Variants in PELI2 observed in about 807,000 individuals in gnomAD.
PELI2 encodes E3 ubiquitin-protein ligase pellino homolog 2.
PELI2 carries 23 observed loss-of-function variants against 42.3 expected under a neutral mutation model. The observed-to-expected ratio is 0.54, with a 90% CI of 0.39 to 0.77. The LOEUF (loss-of-function observed/expected upper bound fraction) is 0.77, where lower values mean the gene tolerates loss of function less well. Ranked by LOEUF, PELI2 falls within the 30% of genes least tolerant of loss-of-function variation. The pLI is 0.00. For synonymous variants in PELI2, 245 were observed against 212.2 expected, an observed-to-expected ratio of 1.15 and a Z score of -1.34; for missense variants, 463 against 553.2, an observed-to-expected ratio of 0.84 and a Z score of 1.64.
intron 2 of PELI2, among the ~76,000 whole-genome samples, chr14:56,212,811 G>T (rs537005318): frequency 3.4e-4 from 52 of 152,322 alleles, no homozygotes; most frequent in African/African-American, 1.3e-3. Flanking sequence ...CCAGTGGCCA[G>T]TCTGGGTGTG....
At chr14:56,276,698 C>T (rs1889302918) in intron 2 of PELI2, among the ~76,000 whole-genome samples, 1 of 152,138 alleles carries the variant, frequency 6.6e-6, no homozygotes, top group Non-Finnish European at 1.5e-5. Flanking sequence ...CATACCTTCC[C>T]CAAATTCCAA....
intron 2 of PELI2, among the ~76,000 whole-genome samples, chr14:56,192,906 G>T (rs895434528): frequency 1.4e-4 from 21 of 152,304 alleles, no homozygotes; most frequent in African/African-American, 5.1e-4. Flanking sequence ...ACAGAATGGA[G>T]ACCTAAGGGG....
chr14:56,134,375 TTCTTA>T (rs1385866490), intron 1 of PELI2, among the ~76,000 whole-genome samples: 4 of 152,112 alleles, frequency 2.6e-5, no homozygotes, highest in Non-Finnish European at 4.4e-5. Context: ...TTGCTCTGGT[TTCTTA>T]TCTTTTCACT....
intron 1 of PELI2, among the ~76,000 whole-genome samples, chr14:56,177,356 G>A (rs171410): frequency 0.83 from 127,086 of 152,258 alleles, 53,605 homozygotes; most frequent in African/African-American, 0.96. Flanking sequence ...AAGCCACCAG[G>A]CCTGCTGTCT....
intron 2 of PELI2, among the ~76,000 whole-genome samples, chr14:56,182,315 C>T (rs1343715215): frequency 6.6e-6 from 1 of 152,132 alleles, no homozygotes; most frequent in Non-Finnish European, 1.5e-5. Context: ...GAGGGAGTGA[C>T]ATGATGTGAC....
chr14:56,188,565 T>G (rs143087093), intron 2 of PELI2, among the ~76,000 whole-genome samples: 229 of 152,340 alleles, frequency 1.5e-3, no homozygotes, highest in African/African-American at 5.3e-3. Flanking sequence ...ACATTAAAAT[T>G]TAACCCTTCT....
chr14:56,210,341 T>C (rs1886670300), intron 2 of PELI2, among the ~76,000 whole-genome samples: 1 of 152,146 alleles, frequency 6.6e-6, no homozygotes, highest in African/African-American at 2.4e-5. Context: ...TGGTTTTCTT[T>C]GGGATGAGGA....
intron 1 of PELI2, among the ~76,000 whole-genome samples, chr14:56,176,310 G>A (rs1293148159): frequency 6.6e-6 from 1 of 152,168 alleles, no homozygotes; most frequent in African/African-American, 2.4e-5. Context: ...GCAGAGTTGT[G>A]CCAAACCCCT....
At chr14:56,145,515 C>G (rs1032528827) in intron 1 of PELI2, among the ~76,000 whole-genome samples, 2 of 152,174 alleles carry the variant, frequency 1.3e-5, no homozygotes, top group Admixed American at 1.3e-4. Context: ...CCTCCCTTCC[C>G]CACACCTTCT....
In PELI2 at chr14:56,180,779, G is replaced by A. The variant is rs776221811; in HGVS notation, c.207+2315G>A. Among the ~76,000 whole-genome samples, 1 of 151,804 alleles carries A rather than the reference G, an allele frequency of 6.6e-6. No homozygotes were observed. Among genetic ancestry groups the A allele is most frequent in the Non-Finnish European group, 1.5e-5 (1 of 67,976 alleles). On this transcript the variant is annotated intron_variant, in intron 2 of 5. Transcript: ENST00000267460. This position sits in a 1 kb window ranked among gnomAD's most constrained non-coding sequence, Gnocchi z 4.4. ...TGCTCCCTCTCAAACTCTCATCCCTGCCAGCTGTGCCAGGCCACTGCTGCT... is the reference window on the plus strand; with the variant it reads ...TGCTCCCTCTCAAACTCTCATCCCTACCAGCTGTGCCAGGCCACTGCTGCT...
At chr14:56,140,399 A>C (rs2139602288) in intron 1 of PELI2, among the ~76,000 whole-genome samples, 1 of 152,358 alleles carries the variant, frequency 6.6e-6, no homozygotes, top group African/African-American at 2.4e-5. Context: ...ATTTCTTCAA[A>C]AGTAGTCAAA....
chr14:56,158,743 A>G (rs562621165), intron 1 of PELI2, among the ~76,000 whole-genome samples: 1 of 152,246 alleles, frequency 6.6e-6, no homozygotes, highest in African/African-American at 2.4e-5. Flanking sequence ...ATAATTAAAA[A>G]TTTTCCTAAT....
chr14:56,137,215 T>C (rs1883717295), intron 1 of PELI2, among the ~76,000 whole-genome samples: 1 of 152,100 alleles, frequency 6.6e-6, no homozygotes, highest in African/African-American at 2.4e-5. Flanking sequence ...TTTTTTGTCT[T>C]AGAAGAGAAA....
chr14:56,255,042 T>G (rs1888478825), intron 2 of PELI2, among the ~76,000 whole-genome samples: 1 of 151,820 alleles, frequency 6.6e-6, no homozygotes, highest in Non-Finnish European at 1.5e-5. Context: ...TTGGTGGGAG[T>G]GTAAATTAGT....
intron 1 of PELI2, among the ~76,000 whole-genome samples, chr14:56,175,099 G>A (rs1454461903): frequency 6.6e-6 from 1 of 152,100 alleles, no homozygotes. Flanking sequence ...TGGCTCAAGT[G>A]ATCTTCCCAC....
intron 1 of PELI2, among the ~76,000 whole-genome samples, chr14:56,125,092 G>T (rs531162042): frequency 6.6e-6 from 1 of 152,270 alleles, no homozygotes; most frequent in South Asian, 2.1e-4. Context: ...TGAGGCTGCA[G>T]CCCAACAAGG....
chr14:56,157,893 C>T (rs181386912), intron 1 of PELI2, among the ~76,000 whole-genome samples: 39 of 152,184 alleles, frequency 2.6e-4, no homozygotes, highest in African/African-American at 8.7e-4. Flanking sequence ...TTTCAATTTC[C>T]GGCTTTAATA....
chr14:56,210,698 A>G (rs72717968), intron 2 of PELI2, among the ~76,000 whole-genome samples: 5,135 of 152,218 alleles, frequency 0.034, 133 homozygotes, highest in Non-Finnish European at 0.052. Flanking sequence ...GAAAAGGCTA[A>G]GGTTCCATTT....
intron 2 of PELI2, among the ~76,000 whole-genome samples, chr14:56,211,558 G>T (rs889490303): frequency 6.6e-6 from 1 of 152,202 alleles, no homozygotes; most frequent in Non-Finnish European, 1.5e-5. Flanking sequence ...TGTGAATGAT[G>T]CCTGTATCTT....
Sources: allele counts gnomAD v4.1 joint callset (sites outside exome capture counted in the v4.1 genomes callset), GRCh38; gene constraint gnomAD v4.1.1; non-coding constraint Gnocchi (gnomAD v3.1); transcripts MANE v1.5; gene names NCBI Gene and HGNC (gene_info 2026-07-23, HGNC 2026-07-21).